HSDL2: variants seen among roughly 807,000 people sequenced by gnomAD.
The protein encoded by HSDL2 is hydroxysteroid dehydrogenase like 2.
A neutral mutation model predicts 46.3 loss-of-function variants in HSDL2; 27 were observed. That is an observed-to-expected ratio of 0.58 (90% confidence interval 0.43 to 0.80). HSDL2 has a LOEUF of 0.80. Ranked by LOEUF, HSDL2 falls within the 30% of genes least tolerant of loss-of-function variation. The probability of loss-of-function intolerance (pLI) is 0.00; values close to 1 mark genes in which losing one functional copy is unlikely to be tolerated. For synonymous variants in HSDL2, 153 were observed against 163.6 expected (o/e 0.94, Z 0.50); for missense variants, 451 against 502.7 (o/e 0.90, Z 0.98).
intron 9 of HSDL2, among the ~76,000 whole-genome samples, chr9:112,455,944 T>A (rs1833011167): frequency 6.6e-6 from 1 of 152,208 alleles, no homozygotes; most frequent in African/African-American, 2.4e-5. Flanking sequence ...CTATACCAAG[T>A]ACCTGGGATC....
At chr9:112,430,016 C>A (rs1468830595) in intron 6 of HSDL2, among the ~76,000 whole-genome samples, 7 of 151,384 alleles carry the variant, frequency 4.6e-5, no homozygotes, top group Admixed American at 2.0e-4. Context: ...CTTAGGAGTT[C>A]AAGGCTGCAG....
At chr9:112,451,030 G>A (rs550695202) in intron 8 of HSDL2, among the ~76,000 whole-genome samples, 10 of 151,962 alleles carry the variant, frequency 6.6e-5, no homozygotes, top group East Asian at 5.8e-4. Context: ...GTGAAACCCC[G>A]TCTCTATAAA....
At chr9:112,382,573 T>C (rs1052833399) in intron 1 of HSDL2, among the ~76,000 whole-genome samples, 4 of 152,216 alleles carry the variant, frequency 2.6e-5, no homozygotes, top group Non-Finnish European at 4.4e-5. Flanking sequence ...TGAATGGAGA[T>C]GCTAATGGCA....
intron 4 of HSDL2, among the ~76,000 whole-genome samples, chr9:112,410,018 C>T (rs1455758673): frequency 6.8e-6 from 1 of 148,108 alleles, no homozygotes; most frequent in East Asian, 2.0e-4. Context: ...AAAGACCTGG[C>T]GTTAAAAAAA....
chr9:112,389,715 T>C (rs1193915723), intron 1 of HSDL2, among the ~76,000 whole-genome samples: 1 of 152,232 alleles, frequency 6.6e-6, no homozygotes, highest in Non-Finnish European at 1.5e-5. Context: ...AGACTTAATG[T>C]AATTTCTGTC....
At chr9:112,398,358 G>A (rs554534819) in intron 1 of HSDL2, among the ~76,000 whole-genome samples, 4 of 152,016 alleles carry the variant, frequency 2.6e-5, no homozygotes, top group East Asian at 1.9e-4. Flanking sequence ...AGATGGCTCC[G>A]GAAGCAAAGG....
Position 112,461,656 on chromosome 9 carries a change from G to A in HSDL2, c.1144+2079G>A, listed in dbSNP as rs114793910. On this transcript the variant is annotated intron_variant, in intron 10 of 10. Coordinates refer to ENST00000398805, the MANE Select transcript of HSDL2 (RefSeq NM_032303.5). ...CCAACAGTTCTTTCCAATAAAATAT[G>A]TTCTCCATTTTATAGCAGTAAGTAC... Among the ~76,000 whole-genome samples the A allele has an allele frequency of 5.8e-3, 890 of 152,274 alleles. 7 individuals are homozygous for A. Among genetic ancestry groups the A allele is most frequent in the African/African-American group, 0.02 (827 of 41,550 alleles).
At chr9:112,427,728 A>G (rs1032606489) in intron 6 of HSDL2, among the ~76,000 whole-genome samples, 5 of 152,076 alleles carry the variant, frequency 3.3e-5, no homozygotes, top group African/African-American at 1.2e-4. Context: ...TGATTCTCCC[A>G]GTCGTATCAT....
At chr9:112,388,158 C>T (rs1439039196) in intron 1 of HSDL2, among the ~76,000 whole-genome samples, 11 of 148,500 alleles carry the variant, frequency 7.4e-5, no homozygotes, top group Non-Finnish European at 1.3e-4. Flanking sequence ...GAGCCTGTCT[C>T]AGAAAAAAAC....
chr9:112,422,005 C>T (rs753221920), intron 6 of HSDL2, among the ~76,000 whole-genome samples: 14 of 152,148 alleles, frequency 9.2e-5, no homozygotes, highest in African/African-American at 2.4e-4. Context: ...GCTTTGACCA[C>T]GGAGATCTGA....
chr9:112,420,319 C>A (rs1832089871), intron 6 of HSDL2, among the ~76,000 whole-genome samples: 1 of 151,874 alleles, frequency 6.6e-6, no homozygotes, highest in Non-Finnish European at 1.5e-5. Flanking sequence ...GTCTCAACAA[C>A]AGCAACAAAA....
intron 8 of HSDL2, 62 bp from the exon 9 acceptor site, chr9:112,453,949 TAA>T: frequency 2.0e-6 from 3 of 1,502,624 alleles, no homozygotes; most frequent in Non-Finnish European, 2.7e-6. Flanking sequence ...GCTGATTAAT[TAA>T]TTCTGTGTGG....
At chr9:112,389,654 A>G (rs1329821876) in intron 1 of HSDL2, among the ~76,000 whole-genome samples, 1 of 152,226 alleles carries the variant, frequency 6.6e-6, no homozygotes, top group Non-Finnish European at 1.5e-5. Flanking sequence ...ATGTTCATGG[A>G]TTAGAACACT....
At chr9:112,427,316 A>G (rs931183754) in intron 6 of HSDL2, among the ~76,000 whole-genome samples, 2 of 152,152 alleles carry the variant, frequency 1.3e-5, no homozygotes, top group African/African-American at 4.8e-5. Context: ...CGGCCTCCCA[A>G]AGTGCTGGGA....
Position 112,418,938 on chromosome 9 carries a change from A to G in HSDL2, c.578A>G (p.Asn193Ser), listed in dbSNP as rs1211737054. The G allele has an allele frequency of 6.3e-7, 1 of 1,594,286 alleles. No homozygotes were observed. Among genetic ancestry groups the G allele is most frequent in the Non-Finnish European group, 8.6e-7 (1 of 1,164,424 alleles). Reference sequence around the variant, plus strand: ...GAATTTAAAGGTGAAATTGCAGTCAATGCATTATGGCCTAAAACAGGTATG... The same window carrying G: ...GAATTTAAAGGTGAAATTGCAGTCAGTGCATTATGGCCTAAAACAGGTATG... ...AEEFKGEIAV[N>S]ALWPKTAIHT... Residue 193 changes from asparagine (N) to serine (S), a missense_variant, in exon 6 of 11, where the codon AAT becomes AGT. Transcript: ENST00000398805.
chr9:112,403,117 G>A (rs1242317133), intron 1 of HSDL2, among the ~76,000 whole-genome samples: 1 of 152,194 alleles, frequency 6.6e-6, no homozygotes. Context: ...ACCCCACTAT[G>A]CAGTCATTTA....
At chr9:112,427,323 G>A (rs1437443127) in intron 6 of HSDL2, among the ~76,000 whole-genome samples, 1 of 152,202 alleles carries the variant, frequency 6.6e-6, no homozygotes, top group African/African-American at 2.4e-5. Flanking sequence ...CCAAAGTGCT[G>A]GGATTACAGG....
Position 112,450,655 on chromosome 9 carries a change from T to A in HSDL2, c.866-3358T>A, listed in dbSNP as rs12552867. 6.6e-3 allele frequency among the ~76,000 whole-genome samples: 951 copies of A among 144,320 alleles called. 21 individuals carry two copies. Among genetic ancestry groups the A allele is most frequent in the South Asian group, 0.025 (117 of 4,606 alleles). The allele number at this position is 144,320 out of a possible 152,430, so 94.7% of individuals were successfully genotyped here. On this transcript the variant is annotated intron_variant, in intron 8 of 10. Transcript: ENST00000398805. ...AAAAAAAAAAAAAGTATAGAACAGC[T>A]CAAAGAAAAATTTTAAAGTCACCTG...
At chr9:112,388,858 C>T (rs1043637153) in intron 1 of HSDL2, among the ~76,000 whole-genome samples, 4 of 149,460 alleles carry the variant, frequency 2.7e-5, no homozygotes, top group African/African-American at 1.0e-4. Flanking sequence ...CAAAAATGTT[C>T]TAGATTAACG....
Sources: allele counts gnomAD v4.1 joint callset (sites outside exome capture counted in the v4.1 genomes callset), GRCh38; gene constraint gnomAD v4.1.1; transcripts MANE v1.5; gene names NCBI Gene and HGNC (gene_info 2026-07-23, HGNC 2026-07-21).